IL1RAPL1: variants seen among roughly 807,000 people sequenced by gnomAD.
IL1RAPL1 encodes the protein interleukin-1 receptor accessory protein-like 1.
IL1RAPL1 carries 3 observed loss-of-function variants against 48.4 expected under a neutral mutation model. The observed-to-expected ratio is 0.06, with a 90% confidence interval of 0.03 to 0.16. The LOEUF is 0.16. Among genes scored for constraint, IL1RAPL1 ranks in the 10% least tolerant of loss-of-function variants. IL1RAPL1 has a pLI of 1.00. For synonymous variants in IL1RAPL1, 185 were observed against 187.7 expected (o/e 0.99, Z 0.12); for missense variants, 349 against 530.6 (o/e 0.66, Z 3.36).
chrX:29,111,952 C>T (rs1483077071), intron 2 of IL1RAPL1, among the ~76,000 whole-genome samples: 3 of 69,059 alleles, frequency 4.3e-5, no homozygotes, highest in African/African-American at 1.1e-4. Flanking sequence ...TTTTTTGAGA[C>T]GGCGTCTCAC....
chrX:29,443,063 G>A (rs899447599), intron 5 of IL1RAPL1, among the ~76,000 whole-genome samples: 4 of 110,478 alleles, frequency 3.6e-5, no homozygotes, highest in South Asian at 3.8e-4. Context: ...ACCATTATAC[G>A]ATGAAACCTT....
chrX:28,873,657 A>G (rs186000899), intron 2 of IL1RAPL1, among the ~76,000 whole-genome samples: 4,542 of 104,222 alleles, frequency 0.044, 242 homozygotes, highest in African/African-American at 0.14. Context: ...TCAGCCTCCC[A>G]AGTAGCTGGG....
intron 6 of IL1RAPL1, among the ~76,000 whole-genome samples, chrX:29,774,741 G>A (rs1003331974): frequency 8.9e-6 from 1 of 111,841 alleles, no homozygotes; most frequent in Admixed American, 9.5e-5. Flanking sequence ...AAGACACAGA[G>A]GCTGTGTTGG....
At chrX:29,181,113 T>C (rs1009965486) in intron 2 of IL1RAPL1, among the ~76,000 whole-genome samples, 2 of 111,963 alleles carry the variant, frequency 1.8e-5, no homozygotes, top group Admixed American at 1.9e-4. Context: ...GTGATCTGAC[T>C]GAGTTGCTAA....
At chrX:29,514,046 G>A (rs577209595) in intron 5 of IL1RAPL1, among the ~76,000 whole-genome samples, 4 of 111,312 alleles carry the variant, frequency 3.6e-5, no homozygotes, top group South Asian at 3.8e-4. Flanking sequence ...TGGGGCATAG[G>A]TGATGTGCAG....
intron 5 of IL1RAPL1, among the ~76,000 whole-genome samples, chrX:29,446,358 T>A (rs1311312111): frequency 8.9e-6 from 1 of 111,964 alleles, no homozygotes; most frequent in Non-Finnish European, 1.9e-5. Flanking sequence ...TTATAATTTA[T>A]TTTTAGTAAG....
At chrX:29,261,690 G>A (rs886626739) in intron 2 of IL1RAPL1, among the ~76,000 whole-genome samples, 1 of 110,389 alleles carries the variant, frequency 9.1e-6, no homozygotes, top group Non-Finnish European at 1.9e-5. Flanking sequence ...CCAGGCACAC[G>A]GAGCAGACAG....
intron 1 of IL1RAPL1, among the ~76,000 whole-genome samples, chrX:28,609,512 T>C (rs925445523): frequency 2.8e-5 from 3 of 108,810 alleles, no homozygotes; most frequent in African/African-American, 1.0e-4. Flanking sequence ...CAGGATTATC[T>C]GTAAGAGGGT....
In IL1RAPL1 at chrX:29,157,362, T is replaced by C. The variant is rs181358116; in HGVS notation, c.83-125576T>C. 8.5e-3 allele frequency among the ~76,000 whole-genome samples: 948 copies of C among 111,637 alleles called. 5 individuals carry two copies. The highest frequency in any genetic ancestry group is 0.015 in the Non-Finnish European group (779 of 53,110). On this transcript the variant is annotated intron_variant, in intron 2 of 10. Coordinates refer to ENST00000378993, the MANE Select transcript of IL1RAPL1 (RefSeq NM_014271.4). ...CCCTAATTTTTCTCATGATAATTCA[T>C]TGAAGTGCTGTAAAATATCCAAACA...
intron 6 of IL1RAPL1, among the ~76,000 whole-genome samples, chrX:29,862,237 G>C (rs753233086): frequency 1.8e-5 from 2 of 110,392 alleles, no homozygotes; most frequent in African/African-American, 6.6e-5. Context: ...AGGTCAGCAT[G>C]TGGGTGAATA....
intron 5 of IL1RAPL1, among the ~76,000 whole-genome samples, chrX:29,487,591 G>A (rs111820675): frequency 0.059 from 6,559 of 111,731 alleles, 476 homozygotes; most frequent in African/African-American, 0.2. Context: ...CTGTGCTGAG[G>A]ACTATTAAAA....
At chrX:28,989,927 C>T (rs951360694) in intron 2 of IL1RAPL1, among the ~76,000 whole-genome samples, 8 of 111,387 alleles carry the variant, frequency 7.2e-5, no homozygotes, top group South Asian at 3.7e-4. Context: ...TAAATAGTTA[C>T]GAAAAATGCC....
intron 5 of IL1RAPL1, among the ~76,000 whole-genome samples, chrX:29,434,548 C>T (rs1398208488): frequency 9.0e-6 from 1 of 110,542 alleles, no homozygotes; most frequent in Non-Finnish European, 1.9e-5. Flanking sequence ...GTCCACTTCT[C>T]CAAAGTTATT....
intron 2 of IL1RAPL1, among the ~76,000 whole-genome samples, chrX:29,139,642 G>C (rs1014614234): frequency 2.7e-5 from 3 of 111,224 alleles, no homozygotes; most frequent in Non-Finnish European, 5.7e-5. Context: ...ACATGTGGCA[G>C]CTCTCTATGG....
At chrX:28,673,556 A>G (rs1298878562) in intron 1 of IL1RAPL1, among the ~76,000 whole-genome samples, 3 of 112,144 alleles carry the variant, frequency 2.7e-5, no homozygotes, top group African/African-American at 9.7e-5. Context: ...TGGGTAGCAC[A>G]TTCAGTGGCT....
At chrX:28,784,393 C>T (rs1238872391) in intron 1 of IL1RAPL1, among the ~76,000 whole-genome samples, 1 of 111,591 alleles carries the variant, frequency 9.0e-6, no homozygotes, top group Non-Finnish European at 1.9e-5. Context: ...TTACTACATA[C>T]AAGCCAGGAG....
At chrX:29,648,027 T>C (rs1369886796) in intron 5 of IL1RAPL1, among the ~76,000 whole-genome samples, 2 of 111,747 alleles carry the variant, frequency 1.8e-5, no homozygotes, top group Non-Finnish European at 3.8e-5. Flanking sequence ...AAATAGACTT[T>C]AAGTCAAAAG....
chrX:29,352,839 G>A (rs1319247676), intron 3 of IL1RAPL1, among the ~76,000 whole-genome samples: 1 of 111,237 alleles, frequency 9.0e-6, no homozygotes, highest in African/African-American at 3.3e-5. Flanking sequence ...CAGTGGAAAG[G>A]TTGCTCCAAT....
At chrX:29,189,911 T>G (rs1172514843) in intron 2 of IL1RAPL1, among the ~76,000 whole-genome samples, 2 of 111,852 alleles carry the variant, frequency 1.8e-5, no homozygotes, top group East Asian at 5.6e-4. Context: ...TATGAGGCAT[T>G]AGAAGAAGTA....
Sources: allele counts gnomAD v4.1 joint callset (sites outside exome capture counted in the v4.1 genomes callset), GRCh38; gene constraint gnomAD v4.1.1; transcripts MANE v1.5; gene names NCBI Gene and HGNC (gene_info 2026-07-23, HGNC 2026-07-21).